The following MAP6 variants were observed in gnomAD, a reference collection of about 807,000 sequenced individuals.
The protein encoded by MAP6 is microtubule-associated protein 6.
Under a neutral mutation model 42.4 loss-of-function variants are expected in MAP6, and 26 were observed. The observed-to-expected ratio is 0.61, with a 90% CI of 0.45 to 0.85. The LOEUF (loss-of-function observed/expected upper bound fraction) is 0.85, where lower values mean the gene tolerates loss of function less well. Ranked by LOEUF, MAP6 falls within the 40% of genes least tolerant of loss-of-function variation. MAP6 has a pLI of 0.00. For synonymous variants in MAP6, 418 were observed against 443.8 expected (o/e 0.94, Z 0.73); for missense variants, 966 against 1,099.0 (o/e 0.88, Z 1.71).
intron 3 of MAP6, among the ~76,000 whole-genome samples, chr11:75,589,965 C>T (rs565903392): frequency 1.6e-4 from 25 of 152,182 alleles, no homozygotes; most frequent in Non-Finnish European, 2.6e-4. Context: ...GCAACCTCTC[C>T]ATCTAGTTCC....
intron 3 of MAP6, chr11:75,604,007 A>C: frequency 2.0e-6 from 2 of 985,838 alleles, no homozygotes; most frequent in Non-Finnish European, 2.4e-6. Flanking sequence ...AAAGAGTTGG[A>C]ATCAGTGCCA....
At chr11:75,652,897 C>T (rs986356173) in intron 1 of MAP6, among the ~76,000 whole-genome samples, 5 of 151,558 alleles carry the variant, frequency 3.3e-5, no homozygotes, top group African/African-American at 1.2e-4. Flanking sequence ...GAAACCTTGA[C>T]AATGCTGTCT....
At chr11:75,644,408 T>C (rs1449573974) in intron 1 of MAP6, among the ~76,000 whole-genome samples, 1 of 152,256 alleles carries the variant, frequency 6.6e-6, no homozygotes, top group Non-Finnish European at 1.5e-5. Flanking sequence ...CTACTGCTGC[T>C]AATAGTTAAT....
chr11:75,654,982 G>GC (rs1943718227), intron 1 of MAP6, among the ~76,000 whole-genome samples: 1 of 152,064 alleles, frequency 6.6e-6, no homozygotes, highest in Admixed American at 6.6e-5. Context: ...CCACTGTTGC[G>GC]CCCCTAGAGA....
At chr11:75,637,831 A>AGGAGGAAGGAGGGAGGGAAG (rs1441604126) in intron 1 of MAP6, among the ~76,000 whole-genome samples, 1 of 126,270 alleles carries the variant, frequency 7.9e-6, no homozygotes, top group African/African-American at 2.9e-5. Context: ...GAGGGAGGGA[A>AGGAGGAAGGAGGGAGGGAAG]GTAGGAAGGA....
At chr11:75,659,336 C>G (rs1177690631) in intron 1 of MAP6, among the ~76,000 whole-genome samples, 3 of 152,036 alleles carry the variant, frequency 2.0e-5, no homozygotes, top group Non-Finnish European at 2.9e-5. Context: ...ACAAAAATTA[C>G]CCAGGCGTGG....
intron 1 of MAP6, among the ~76,000 whole-genome samples, chr11:75,624,776 A>G (rs10466734): frequency 0.018 from 2,720 of 152,326 alleles, 86 homozygotes; most frequent in African/African-American, 0.063. Context: ...TCACCTTCAC[A>G]GCACGTCCCT....
intron 1 of MAP6, among the ~76,000 whole-genome samples, chr11:75,654,235 TA>T (rs1943698106): frequency 6.6e-6 from 1 of 152,176 alleles, no homozygotes; most frequent in South Asian, 2.1e-4. Flanking sequence ...AAGTCCCAAA[TA>T]AAGCCAGACA....
intron 1 of MAP6, among the ~76,000 whole-genome samples, chr11:75,655,351 T>C (rs573662501): frequency 2.9e-4 from 44 of 152,288 alleles, no homozygotes. Flanking sequence ...GGGAAAACTG[T>C]GAGCAAAATC....
At chr11:75,592,800 C>G (rs895690417) in intron 3 of MAP6, among the ~76,000 whole-genome samples, 2 of 152,216 alleles carry the variant, frequency 1.3e-5, no homozygotes, top group Admixed American at 6.5e-5. Flanking sequence ...TACACAGCCC[C>G]ACCTAGCTGG....
intron 2 of MAP6, among the ~76,000 whole-genome samples, chr11:75,606,423 G>A (rs936675352): frequency 1.3e-5 from 2 of 152,228 alleles, no homozygotes; most frequent in Non-Finnish European, 2.9e-5. Flanking sequence ...AAATTTGAGA[G>A]TCAGCCTGTG....
intron 1 of MAP6, among the ~76,000 whole-genome samples, chr11:75,647,360 A>C (rs1463519697): frequency 3.3e-5 from 5 of 150,646 alleles, no homozygotes; most frequent in African/African-American, 1.2e-4. Flanking sequence ...AAAAAAAAAA[A>C]AAAAAAACCC....
At chr11:75,613,263 C>T (rs531305193) in intron 1 of MAP6, among the ~76,000 whole-genome samples, 1 of 152,016 alleles carries the variant, frequency 6.6e-6, no homozygotes, top group African/African-American at 2.4e-5. Flanking sequence ...CCCTGCCCTA[C>T]ATGGGGCACA....
At chr11:75,597,545 T>G (rs1022061997) in intron 3 of MAP6, among the ~76,000 whole-genome samples, 6 of 152,236 alleles carry the variant, frequency 3.9e-5, no homozygotes. Context: ...CTAATGACCC[T>G]TTTTAAAATG....
At chr11:75,628,674 C>T (rs1304967651) in intron 1 of MAP6, among the ~76,000 whole-genome samples, 1 of 152,178 alleles carries the variant, frequency 6.6e-6, no homozygotes, top group African/African-American at 2.4e-5. Flanking sequence ...ACTTTTATTT[C>T]CTGACATTTG....
intron 1 of MAP6, among the ~76,000 whole-genome samples, chr11:75,659,470 A>T (rs1943806676): frequency 6.6e-6 from 1 of 152,216 alleles, no homozygotes; most frequent in African/African-American, 2.4e-5. Flanking sequence ...CGATAGAGGA[A>T]GGGGAATCAT....
chr11:75,588,221 A>G, intron 3 of MAP6, 37 bp from the exon 4 acceptor site: 2 of 1,578,394 alleles, frequency 1.3e-6, no homozygotes, highest in Non-Finnish European at 1.7e-6. Context: ...GTGAGAGTAG[A>G]GCTCAGGCAG....
chr11:75,641,483 TA>T (rs35928248), intron 1 of MAP6, among the ~76,000 whole-genome samples: 154 of 146,228 alleles, frequency 1.1e-3, no homozygotes, highest in South Asian at 1.9e-3. Flanking sequence ...TAAAGTATAA[TA>T]AAAAAAAAAA....
chr11:75,668,755 G>A lies in MAP6; in HGVS notation c.-386C>T. ...GGTGGCTACAGGCTTAAGCCATGGC[G>A]CAGAGGAGGGGCCGGGCGGTGTGGC... On this transcript the variant is annotated 5_prime_UTR_variant, in exon 1 of 4. Transcript: ENST00000304771. The A allele has an allele frequency of 6.1e-6, 1 of 164,866 alleles. No individual in the cohort carries two copies. Among genetic ancestry groups the A allele is most frequent in the South Asian group, 1.7e-4 (1 of 5,806 alleles). 10.2% of individuals were successfully genotyped at this position (164,866 alleles called of 1,614,324 possible). A position where few individuals can be genotyped will look rare whatever the true frequency, so the allele number is the denominator to read the frequency against.
Sources: gnomAD v4.1 joint callset for allele counts (sites outside exome capture counted in the v4.1 genomes callset) on GRCh38, gnomAD v4.1.1 for gene constraint, MANE v1.5 for transcripts, NCBI Gene and HGNC (gene_info 2026-07-23, HGNC 2026-07-21) for gene names.